The following DPP4 variants were observed in gnomAD, a reference collection of about 807,000 sequenced individuals.
DPP4 encodes the protein ADCP-2.
A neutral mutation model predicts 122.4 loss-of-function variants in DPP4; 93 were observed. The ratio of observed to expected loss-of-function variants is 0.76; its 90% confidence interval spans 0.64 to 0.90. The LOEUF is 0.90. Among genes scored for constraint, DPP4 ranks in the 40% least tolerant of loss-of-function variants. The probability of loss-of-function intolerance (pLI) is 0.00; values close to 1 mark genes in which losing one functional copy is unlikely to be tolerated. For synonymous variants in DPP4, 321 were observed against 302.9 expected (o/e 1.06, Z -0.62); for missense variants, 914 against 907.3 (o/e 1.01, Z -0.09).
rs200567252 is a variant in DPP4 at position 162,020,647 on chromosome 2, G to A, written c.1110C>T (p.Ser370=). ...SEPHFTLDGN[S]FYKIISNEEG... Reference sequence around the variant, plus strand: ...CTTCATTGCTGATGATCTTGTAGAAGCTATTACCATCAAGGGTAAAATGAG... The same window carrying A: ...CTTCATTGCTGATGATCTTGTAGAAACTATTACCATCAAGGGTAAAATGAG... Residue 370 remains serine, a synonymous_variant, in exon 13 of 26, where the codon AGC becomes AGT. Coordinates refer to ENST00000360534, the MANE Select transcript of DPP4 (RefSeq NM_001935.4). The A allele has an allele frequency of 6.2e-7, 1 of 1,612,556 alleles. No homozygotes were observed. The highest frequency in any genetic ancestry group is 8.5e-7 in the Non-Finnish European group (1 of 1,179,618).
intron 23 of DPP4, among the ~76,000 whole-genome samples, chr2:162,002,480 C>T (rs1345634319): frequency 6.6e-6 from 1 of 152,170 alleles, no homozygotes; most frequent in African/African-American, 2.4e-5. Context: ...TTACTTGTTA[C>T]ACACTTTGGT....
At chr2:162,011,744 A>AG (rs747091287) in intron 20 of DPP4, 49 bp downstream of exon 20, 1 of 1,576,088 alleles carries the variant, frequency 6.3e-7, no homozygotes, top group Non-Finnish European at 8.7e-7. Context: ...TAAATTTTAA[A>AG]GGGGAAAAAA....
intron 4 of DPP4, chr2:162,046,555 G>C (rs959747892): frequency 5.8e-6 from 2 of 347,760 alleles, no homozygotes; most frequent in Non-Finnish European, 1.1e-5. Context: ...TTTAAATCTG[G>C]GAGAAGGTTA....
At chr2:162,040,413 G>A (rs970441911) in intron 5 of DPP4, among the ~76,000 whole-genome samples, 1 of 152,054 alleles carries the variant, frequency 6.6e-6, no homozygotes, top group Admixed American at 6.6e-5. Context: ...AAAAAGACAT[G>A]GAGGAATCTC....
intron 2 of DPP4, among the ~76,000 whole-genome samples, chr2:162,049,807 T>G (rs1024963205): frequency 6.6e-6 from 1 of 152,214 alleles, no homozygotes; most frequent in Non-Finnish European, 1.5e-5. Flanking sequence ...TCAGATCTTA[T>G]CTGATAATAG....
At chr2:162,016,938 G>T in intron 17 of DPP4, 72 bp from the exon 18 acceptor site, 2 of 1,477,676 alleles carry the variant, frequency 1.4e-6, no homozygotes, top group Non-Finnish European at 1.9e-6. Flanking sequence ...GCAATAATGA[G>T]CAAACATGAA....
chr2:162,022,514 G>A (rs1010673804), intron 12 of DPP4, among the ~76,000 whole-genome samples: 1 of 152,104 alleles, frequency 6.6e-6, no homozygotes, highest in Non-Finnish European at 1.5e-5. Flanking sequence ...CCAGGAGTGC[G>A]CTATGTTTTG....
intron 2 of DPP4, among the ~76,000 whole-genome samples, chr2:162,071,609 G>A (rs1255373015): frequency 2.0e-5 from 3 of 152,312 alleles, no homozygotes; most frequent in East Asian, 3.9e-4. Context: ...CTAACCTCCA[G>A]AGCAGTCTGC....
chr2:162,057,624 G>A (rs966581098), intron 2 of DPP4, among the ~76,000 whole-genome samples: 1 of 152,142 alleles, frequency 6.6e-6, no homozygotes, highest in Non-Finnish European at 1.5e-5. Context: ...GTAGCAGCTA[G>A]GGGGATTATA....
chr2:161,998,951 G>T (rs182665919), intron 23 of DPP4, among the ~76,000 whole-genome samples: 5 of 152,256 alleles, frequency 3.3e-5, no homozygotes, highest in Admixed American at 1.3e-4. Context: ...TAAAACAAAA[G>T]CTTCCCCTGC....
intron 12 of DPP4, among the ~76,000 whole-genome samples, chr2:162,021,039 G>A (rs1453129902): frequency 1.3e-5 from 2 of 152,142 alleles, no homozygotes; most frequent in Non-Finnish European, 2.9e-5. Flanking sequence ...CTTTCAGTTT[G>A]GAGCAGTAAA....
At chr2:162,039,092 A>G (rs941603279) in intron 6 of DPP4, 40 bp downstream of exon 6, 1 of 1,610,778 alleles carries the variant, frequency 6.2e-7, no homozygotes, top group Admixed American at 1.7e-5. Flanking sequence ...AAAATATGAC[A>G]GTAGGAAAGC....
chr2:162,024,428 C>A (rs1370366547), intron 11 of DPP4, among the ~76,000 whole-genome samples: 1 of 152,178 alleles, frequency 6.6e-6, no homozygotes, highest in African/African-American at 2.4e-5. Flanking sequence ...ACACACTCAG[C>A]CAGTTATTCC....
intron 23 of DPP4, among the ~76,000 whole-genome samples, chr2:162,002,806 G>A (rs1701184597): frequency 6.6e-6 from 1 of 152,170 alleles, no homozygotes; most frequent in African/African-American, 2.4e-5. Context: ...TCCTGCCAGA[G>A]ACAAAAGCAC....
intron 2 of DPP4, among the ~76,000 whole-genome samples, chr2:162,071,820 C>G (rs1163805126): frequency 6.6e-6 from 1 of 152,212 alleles, no homozygotes; most frequent in Non-Finnish European, 1.5e-5. Flanking sequence ...ACAAAATTCT[C>G]AGAGTTAACT....
At chr2:162,050,858 C>T (rs1307068266) in intron 2 of DPP4, among the ~76,000 whole-genome samples, 2 of 152,182 alleles carry the variant, frequency 1.3e-5, no homozygotes, top group Non-Finnish European at 2.9e-5. Flanking sequence ...GCTCATGATT[C>T]GTCTTCCTTG....
chr2:162,061,453 T>C (rs1684768212), intron 2 of DPP4, among the ~76,000 whole-genome samples: 1 of 152,238 alleles, frequency 6.6e-6, no homozygotes, highest in Admixed American at 6.5e-5. Context: ...AATGTTTATT[T>C]TCTGTACCAC....
chr2:162,062,098 G>A (rs1430443975), intron 2 of DPP4, among the ~76,000 whole-genome samples: 1 of 146,934 alleles, frequency 6.8e-6, no homozygotes, highest in Non-Finnish European at 1.5e-5. Context: ...GCAAAACCCT[G>A]TCTCTACTAA....
At chr2:162,007,913 G>C (rs906228863) in intron 22 of DPP4, among the ~76,000 whole-genome samples, 1 of 152,036 alleles carries the variant, frequency 6.6e-6, no homozygotes, top group Non-Finnish European at 1.5e-5. Flanking sequence ...CTAGACAGAA[G>C]ACTTGAGATG....
Sources: allele counts gnomAD v4.1 joint callset (sites outside exome capture counted in the v4.1 genomes callset), GRCh38; gene constraint gnomAD v4.1.1; transcripts MANE v1.5; gene names NCBI Gene and HGNC (gene_info 2026-07-23, HGNC 2026-07-21).